CACNA1C: variants seen among roughly 807,000 people sequenced by gnomAD.
The protein encoded by CACNA1C is calcium voltage-gated channel subunit alpha1 C, also known as voltage-dependent L-type calcium channel subunit alpha-1C.
A neutral mutation model predicts 229.0 loss-of-function variants in CACNA1C; 30 were observed. That is an observed-to-expected ratio of 0.13 (90% confidence interval 0.10 to 0.18). CACNA1C has a LOEUF of 0.18. CACNA1C is among the 10% of genes least tolerant of loss of function. The probability of loss-of-function intolerance (pLI) is 1.00; values close to 1 mark genes in which losing one functional copy is unlikely to be tolerated. For synonymous variants in CACNA1C, 1,114 were observed against 1,132.5 expected, an observed-to-expected ratio of 0.98 and a Z score of 0.33; for missense variants, 1,658 against 2,845.0, an observed-to-expected ratio of 0.58 and a Z score of 9.49.
At position 2,226,384 on chromosome 12, in the gene CACNA1C, G is replaced by C. The variant is rs375440326; in HGVS notation, c.477+105954G>C. Among the ~76,000 whole-genome samples, 19 of 152,172 alleles carry C rather than the reference G, an allele frequency of 1.2e-4. No individual in the cohort carries two copies. The South Asian group carries it at 4.0e-3, about 32-fold the overall frequency. Reference sequence around the variant, plus strand: ...CTCAGAGGTTAAATAACTTGGCCAAGGTCACACAACCAGTGTGAATCTGGC... The same window carrying C: ...CTCAGAGGTTAAATAACTTGGCCAACGTCACACAACCAGTGTGAATCTGGC... On this transcript the variant is annotated intron_variant, in intron 3 of 46. Coordinates refer to ENST00000399655, the MANE Select transcript of CACNA1C (RefSeq NM_000719.7).
rs538100448 is a variant in CACNA1C, at chr12:2,108,923, A to C, written c.50-6301A>C. Among the ~76,000 whole-genome samples the C allele has an allele frequency of 6.6e-6, 1 of 152,218 alleles. No homozygotes were observed. The highest frequency in any genetic ancestry group is 6.5e-5 in the Admixed American group (1 of 15,286). On this transcript the variant is annotated intron_variant, in intron 1 of 46. Coordinates refer to ENST00000399655, the MANE Select transcript of CACNA1C (RefSeq NM_000719.7). This position sits in a 1 kb window ranked among gnomAD's most constrained non-coding sequence, Gnocchi z 5.3. ...GCAGGCCCCTTGTCACTACAGCAAG[A>C]TGACAGACAGCAAGAGCCAAGTGGG...
chr12:2,533,359 A>G (rs931318209), intron 9 of CACNA1C, among the ~76,000 whole-genome samples: 1 of 152,232 alleles, frequency 6.6e-6, no homozygotes, highest in Non-Finnish European at 1.5e-5. Flanking sequence ...AAATGGCTCC[A>G]GAATAATGGA....
chr12:2,122,204 C>T (rs1309423438), intron 3 of CACNA1C, among the ~76,000 whole-genome samples: 4 of 152,150 alleles, frequency 2.6e-5, no homozygotes, highest in East Asian at 1.9e-4. Flanking sequence ...GTTTTTATCA[C>T]ATCACAGAGT....
intron 3 of CACNA1C, among the ~76,000 whole-genome samples, chr12:2,430,645 C>T (rs1212286538): frequency 2.0e-5 from 3 of 152,132 alleles, no homozygotes; most frequent in South Asian, 2.1e-4. Flanking sequence ...CTTCCTTTCC[C>T]CTTTCCCCTG....
Position 2,053,199 on chromosome 12 carries a change from G to A in CACNA1C, c.-364G>A. 1 of 1,001,454 alleles carries A rather than the reference G, an allele frequency of 1.0e-6. No homozygotes were observed. Among genetic ancestry groups the A allele is most frequent in the Non-Finnish European group, 1.2e-6 (1 of 840,776 alleles). The allele number at this position is 1,001,454 out of a possible 1,614,324, so 62.0% of individuals were successfully genotyped here. ...GCCCCTGCCGGCCCAGGCGGGCCCC[G>A]CGCGCCCCCCGCCCCTCCTCTCCGC... is the stretch of plus-strand genomic sequence containing the variant. On this transcript the variant is annotated 5_prime_UTR_variant, in exon 1 of 47. Transcript: ENST00000399655. The surrounding 1 kb of genome is among the most constrained non-coding windows in gnomAD (Gnocchi z 5.8).
intron 30 of CACNA1C, among the ~76,000 whole-genome samples, chr12:2,642,150 T>C (rs182603280): frequency 1.9e-4 from 29 of 152,220 alleles, no homozygotes; most frequent in African/African-American, 6.5e-4. Flanking sequence ...GGCATCCAAT[T>C]TGGGTTGTTA....
intron 7 of CACNA1C, among the ~76,000 whole-genome samples, chr12:2,498,902 C>T (rs1185300179): frequency 6.6e-6 from 1 of 152,226 alleles, no homozygotes; most frequent in Non-Finnish European, 1.5e-5. Context: ...TGACAGCTCC[C>T]AACCTCCCAC....
At chr12:2,244,246 G>A (rs547712407) in intron 3 of CACNA1C, among the ~76,000 whole-genome samples, 7 of 152,296 alleles carry the variant, frequency 4.6e-5, no homozygotes, top group African/African-American at 1.4e-4. Flanking sequence ...AGGGGCCTTC[G>A]GCTCCCCTAG....
intron 3 of CACNA1C, among the ~76,000 whole-genome samples, chr12:2,261,682 A>T (rs991803593): frequency 6.6e-6 from 1 of 152,220 alleles, no homozygotes; most frequent in Admixed American, 6.5e-5. Flanking sequence ...TTACTAGGAG[A>T]TATAGCATCA....
intron 3 of CACNA1C, among the ~76,000 whole-genome samples, chr12:2,412,034 C>G (rs1039260922): frequency 6.6e-6 from 1 of 152,006 alleles, no homozygotes; most frequent in Non-Finnish European, 1.5e-5. Context: ...CCCTGGCTCC[C>G]CACGCCCAAG....
At chr12:2,434,702 C>G (rs1388974223) in intron 3 of CACNA1C, among the ~76,000 whole-genome samples, 1 of 152,180 alleles carries the variant, frequency 6.6e-6, no homozygotes, top group Non-Finnish European at 1.5e-5. Context: ...ACTTTGGACT[C>G]TGTTTTCTGT....
At chr12:1,981,494 A>G (rs1329751812) in intron 1 of CACNA1C, among the ~76,000 whole-genome samples, 1 of 152,238 alleles carries the variant, frequency 6.6e-6, no homozygotes, top group African/African-American at 2.4e-5. Context: ...ACAAAATATT[A>G]TACATAAGGT....
At chr12:2,056,091 G>C (rs1302112643) in intron 1 of CACNA1C, among the ~76,000 whole-genome samples, 1 of 152,108 alleles carries the variant, frequency 6.6e-6, no homozygotes, top group African/African-American at 2.4e-5. Flanking sequence ...GTCAGTGGCG[G>C]GGGCTGTGCA....
intron 11 of CACNA1C, among the ~76,000 whole-genome samples, chr12:2,557,742 C>T (rs2045236575): frequency 6.6e-6 from 1 of 152,210 alleles, no homozygotes; most frequent in South Asian, 2.1e-4. Flanking sequence ...CTCCCCCTTC[C>T]CTGGTGCTTT....
At chr12:2,462,696 G>A (rs2154566096) in intron 5 of CACNA1C, among the ~76,000 whole-genome samples, 1 of 152,342 alleles carries the variant, frequency 6.6e-6, no homozygotes, top group East Asian at 1.9e-4. Flanking sequence ...GATGTGAGTG[G>A]TGCCAGCTTC....
intron 6 of CACNA1C, among the ~76,000 whole-genome samples, chr12:2,490,251 G>A (rs1026752863): frequency 1.3e-5 from 2 of 152,086 alleles, no homozygotes; most frequent in African/African-American, 4.8e-5. Context: ...GCAGATATTC[G>A]TAAAATCCCC....
chr12:2,141,994 C>T (rs112589905), intron 3 of CACNA1C, among the ~76,000 whole-genome samples: 12 of 151,256 alleles, frequency 7.9e-5, no homozygotes, highest in African/African-American at 2.9e-4. Flanking sequence ...AGCATTCCTT[C>T]ATTTGGGGAG....
intron 3 of CACNA1C, among the ~76,000 whole-genome samples, chr12:2,189,087 C>G (rs528480175): frequency 1.6e-5 from 2 of 126,452 alleles, no homozygotes; most frequent in Non-Finnish European, 1.6e-5. Context: ...AACGAGACTC[C>G]GTCTCAAAAA....
chr12:2,263,771 A>G (rs115481484), intron 3 of CACNA1C, among the ~76,000 whole-genome samples: 8,678 of 152,064 alleles, frequency 0.057, 320 homozygotes, highest in African/African-American at 0.093. Flanking sequence ...CTGGAGAGTC[A>G]CCATGATCCG....
Sources: gnomAD v4.1 joint callset for allele counts (sites outside exome capture counted in the v4.1 genomes callset) on GRCh38, gnomAD v4.1.1 for gene constraint, Gnocchi (gnomAD v3.1) non-coding constraint, MANE v1.5 for transcripts, NCBI Gene and HGNC (gene_info 2026-07-23, HGNC 2026-07-21) for gene names.